The following USP34 variants were observed in gnomAD, a reference collection of about 807,000 sequenced individuals.
The protein encoded by USP34 is ubiquitin specific peptidase 34, also known as ubiquitin carboxyl-terminal hydrolase 34.
USP34 carries 70 observed loss-of-function variants against 460.3 expected under a neutral mutation model. That is an observed-to-expected ratio of 0.15 (90% CI 0.13 to 0.19). USP34 has a LOEUF of 0.19. Ranked by LOEUF, USP34 falls within the 10% of genes least tolerant of loss-of-function variation. The probability of loss-of-function intolerance (pLI) is 1.00; values close to 1 mark genes in which losing one functional copy is unlikely to be tolerated. For missense variants in USP34, 3,985 were observed against 4,236.2 expected (o/e 0.94, Z 1.65); for synonymous variants, 1,647 against 1,405.3 (o/e 1.17, Z -3.85).
intron 5 of USP34, among the ~76,000 whole-genome samples, chr2:61,388,479 G>A (rs1693237735): frequency 6.7e-6 from 1 of 149,186 alleles, no homozygotes; most frequent in African/African-American, 2.5e-5. Flanking sequence ...AAAAAAGATT[G>A]GGCATGGTGG....
intron 53 of USP34, 136 bp from the exon 54 acceptor site, chr2:61,236,525 A>AT (rs1356876411): frequency 3.1e-6 from 2 of 641,822 alleles, no homozygotes; most frequent in East Asian, 2.9e-5. Flanking sequence ...GTTCATTTTG[A>AT]TTTTTTCCCA....
intron 25 of USP34, among the ~76,000 whole-genome samples, chr2:61,312,440 G>A (rs1335456680): frequency 1.3e-5 from 2 of 150,590 alleles, no homozygotes; most frequent in East Asian, 3.9e-4. Context: ...CACCTAGCAT[G>A]ATAATCACTA....
chr2:61,405,771 T>G lies in USP34; in HGVS notation c.489A>C (p.Lys163Asn), dbSNP rs1484791648. 1 of 1,602,400 alleles carries G rather than the reference T, an allele frequency of 6.2e-7. No homozygotes were observed. The highest frequency in any genetic ancestry group is 8.5e-7 in the Non-Finnish European group (1 of 1,176,698). The change falls in exon 3 of 80, where the codon AAA becomes AAC. Residue 163 changes from lysine to asparagine, a missense_variant. Lys to Asn is a moderately conservative substitution (Grantham distance 94). Coordinates refer to ENST00000398571, the MANE Select transcript of USP34 (RefSeq NM_014709.4). ...ATAAGGGAAACTGAATTTGAAAAATTTTTGCCACACATAGTAAGAGTTTTT... is the reference window on the plus strand; with the variant it reads ...ATAAGGGAAACTGAATTTGAAAAATGTTTGCCACACATAGTAAGAGTTTTT... ...EKEKLLLCVA[K>N]IFQIQFPLYT...
Position 61,359,131 on chromosome 2 carries a change from T to C in USP34, c.1252-8438A>G, listed in dbSNP as rs576234878. Among the ~76,000 whole-genome samples, 61 of 151,884 alleles carry C rather than the reference T, an allele frequency of 4.0e-4. No individual in the cohort carries two copies. In the South Asian group the frequency reaches 8.1e-3, roughly 20 times the overall value. On this transcript the variant is annotated intron_variant, in intron 10 of 79. Coordinates refer to ENST00000398571, the MANE Select transcript of USP34 (RefSeq NM_014709.4). The stretch of plus-strand genomic sequence containing the variant: ...ATACAGAATTGCAAGGGACTGTAAA[T>C]AGCCAGAACAGTCTGAAAAAGATGA...
intron 68 of USP34, among the ~76,000 whole-genome samples, chr2:61,212,877 T>C (rs765368954): frequency 1.3e-5 from 2 of 152,228 alleles, no homozygotes; most frequent in Non-Finnish European, 2.9e-5. Context: ...ATATTATTTA[T>C]GTGAATATGA....
At chr2:61,293,794 G>A (rs1243720843) in intron 32 of USP34, among the ~76,000 whole-genome samples, 3 of 151,976 alleles carry the variant, frequency 2.0e-5, no homozygotes, top group African/African-American at 7.3e-5. Context: ...GCCAGACGAT[G>A]GCTTGAGGTT....
At position 61,248,695 on chromosome 2, in the gene USP34, G is replaced by A; in HGVS notation, c.6222-12C>T. On this transcript the variant is annotated splice_polypyrimidine_tract_variant and intron_variant, in intron 48 of 79. Coordinates refer to ENST00000398571, the MANE Select transcript of USP34 (RefSeq NM_014709.4). ...TCTTAAAACATGCCCTGAGAGACAA[G>A]AAAAAAATTAATAAAGATTATTTTT... The A allele has an allele frequency of 1.3e-6, 2 of 1,535,166 alleles. No individual in the cohort carries two copies. The highest frequency in any genetic ancestry group is 1.8e-6 in the Non-Finnish European group (2 of 1,137,762).
intron 25 of USP34, among the ~76,000 whole-genome samples, chr2:61,312,370 A>T (rs1156363224): frequency 1.3e-5 from 2 of 152,158 alleles, no homozygotes; most frequent in Non-Finnish European, 2.9e-5. Flanking sequence ...TTGAGAGTCA[A>T]TTCATGGCTG....
chr2:61,341,755 CT>C (rs896288474), intron 16 of USP34, among the ~76,000 whole-genome samples: 261 of 91,724 alleles, frequency 2.8e-3, no homozygotes, highest in African/African-American at 7.7e-3. Context: ...TCAGGTCTTT[CT>C]TTTTTTTTTT....
At chr2:61,193,365 T>TAAAAGAAAAAAAA (rs1686696187) in intron 75 of USP34, 1 of 97,234 alleles carries the variant, frequency 1.0e-5, no homozygotes, top group African/African-American at 3.8e-5. Context: ...AGGGGAAAGG[T>TAAAAGAAAAAAAA]AAAAAAAAAA....
chr2:61,292,264 G>C (rs139791249), intron 33 of USP34, among the ~76,000 whole-genome samples: 10 of 151,808 alleles, frequency 6.6e-5, no homozygotes, highest in Admixed American at 4.6e-4. Context: ...TAAGAAACAA[G>C]AACAATCCTG....
chr2:61,370,751 G>GT (rs375471571), intron 8 of USP34, among the ~76,000 whole-genome samples, 172 bp from the exon 9 acceptor site: 4 of 152,260 alleles, frequency 2.6e-5, no homozygotes, highest in African/African-American at 9.6e-5. Flanking sequence ...ATATGATGCT[G>GT]AATTTATAAA....
intron 5 of USP34, among the ~76,000 whole-genome samples, chr2:61,386,776 G>A (rs1024299414): frequency 2.6e-5 from 4 of 152,048 alleles, no homozygotes; most frequent in East Asian, 3.9e-4. Flanking sequence ...GCAACAGAGC[G>A]AGACTCCATC....
At chr2:61,355,548 A>C (rs910842373) in intron 10 of USP34, among the ~76,000 whole-genome samples, 1 of 152,184 alleles carries the variant, frequency 6.6e-6, no homozygotes, top group Non-Finnish European at 1.5e-5. Flanking sequence ...TAGGAAGTTA[A>C]ATGTAATCTC....
intron 1 of USP34, among the ~76,000 whole-genome samples, chr2:61,441,126 CA>C (rs1201299279): frequency 8.5e-4 from 104 of 122,132 alleles, no homozygotes; most frequent in Admixed American, 1.5e-3. Flanking sequence ...AGAGCCGCCT[CA>C]AAAAAAAAAA....
chr2:61,372,897 C>T (rs1692674257), intron 8 of USP34, among the ~76,000 whole-genome samples: 1 of 152,090 alleles, frequency 6.6e-6, no homozygotes, highest in Non-Finnish European at 1.5e-5. Context: ...ACACATTCAT[C>T]TACACAACCA....
chr2:61,287,364 G>A (rs950387396), intron 34 of USP34, among the ~76,000 whole-genome samples: 9 of 152,244 alleles, frequency 5.9e-5, no homozygotes, highest in Admixed American at 3.3e-4. Context: ...ACTCACTGAC[G>A]GAGATGTTGG....
chr2:61,214,620 G>T lies in USP34; in HGVS notation c.8122C>A (p.His2708Asn). ...RQMFRSTRSL[H>N]IPTRDLPLSP... ...AGTGGAAGGTCACGGGTTGGGATGT[G>T]CAAAGACCTTGTTGACCGGAACATC... The change falls in exon 68 of 80, where the codon CAC becomes AAC. Residue 2708 changes from histidine (H) to asparagine (N), a missense_variant. Around this residue, in one of 14 missense-constraint regions of USP34, gnomAD observed 604 missense variants for 684.8 expected, o/e 0.88. Coordinates refer to ENST00000398571, the MANE Select transcript of USP34 (RefSeq NM_014709.4). The T allele has an allele frequency of 6.2e-7, 1 of 1,614,184 alleles. No homozygotes were observed. Among genetic ancestry groups the T allele is most frequent in the South Asian group, 1.1e-5 (1 of 91,082 alleles).
chr2:61,388,980 CATACATGCAAT>C (rs1270916898), intron 5 of USP34, among the ~76,000 whole-genome samples: 1 of 151,662 alleles, frequency 6.6e-6, no homozygotes, highest in Non-Finnish European at 1.5e-5. Flanking sequence ...TAAAAATGAA[CATACATGCAAT>C]ATAAATTTCG....
Sources: allele counts gnomAD v4.1 joint callset (sites outside exome capture counted in the v4.1 genomes callset), GRCh38; gene constraint gnomAD v4.1.1; regional missense constraint gnomAD v4.1.1; transcripts MANE v1.5; gene names NCBI Gene and HGNC (gene_info 2026-07-23, HGNC 2026-07-21).